The following UBAP2 variants were observed in gnomAD, a reference collection of about 807,000 sequenced individuals.
The protein encoded by UBAP2 is ubiquitin associated protein 2, also known as ubiquitin-associated protein 2.
Under a neutral mutation model 139.6 loss-of-function variants are expected in UBAP2, and 75 were observed. The ratio of observed to expected loss-of-function variants is 0.54; its 90% CI spans 0.45 to 0.65. UBAP2 has a LOEUF of 0.65. Ranked by LOEUF, UBAP2 falls within the 30% of genes least tolerant of loss-of-function variation. UBAP2 has a pLI of 0.00. For synonymous variants in UBAP2, 526 were observed against 526.2 expected (o/e 1.00, Z 0.01); for missense variants, 1,368 against 1,369.6 (o/e 1.00, Z 0.02).
intron 6 of UBAP2, among the ~76,000 whole-genome samples, chr9:33,979,556 C>T (rs1208457383): frequency 6.7e-6 from 1 of 148,830 alleles, no homozygotes; most frequent in Non-Finnish European, 1.5e-5. Context: ...GCCAGGGCAA[C>T]AAGAGAGAAA....
intron 1 of UBAP2, among the ~76,000 whole-genome samples, chr9:34,033,731 A>G (rs182729638): frequency 6.8e-4 from 103 of 151,512 alleles, no homozygotes; most frequent in African/African-American, 2.3e-3. Flanking sequence ...TCAAGCATCA[A>G]ATCAATTCTT....
At chr9:34,010,715 G>A (rs982783651) in intron 2 of UBAP2, among the ~76,000 whole-genome samples, 3 of 152,100 alleles carry the variant, frequency 2.0e-5, no homozygotes, top group Non-Finnish European at 4.4e-5. Flanking sequence ...AAGGAGTACA[G>A]GCGGCGGCTT....
intron 16 of UBAP2, among the ~76,000 whole-genome samples, chr9:33,936,926 CAAAAAAAAAAAAA>C (rs66465145): frequency 6.7e-5 from 4 of 59,788 alleles, no homozygotes; most frequent in African/African-American, 2.2e-4. Flanking sequence ...AACTCCAGCT[CAAAAAAAAAAAAA>C]AAAAAAAAAA....
rs538068429 is a variant in UBAP2, at chr9:33,923,841, T to G, written c.2750A>C (p.Tyr917Ser). 6.2e-7 allele frequency: 1 copy of G among 1,614,080 alleles called. No homozygotes were observed. The highest frequency in any genetic ancestry group is 1.7e-5 in the Admixed American group (1 of 60,026). The change falls in exon 24 of 29, where the codon TAC becomes TCC. Residue 917 changes from tyrosine (Y) to serine (S), a missense_variant. Transcript: ENST00000379238. The part of the protein sequence containing the change: ...PPGYSYTGLP[Y>S]YTGMPSAFQY... ...GAAGGCACTGGGCATGCCTGTGTAG[T>G]AGGGAAGACCAGTGTAGCTATAGCC...
Position 33,973,247 on chromosome 9 carries a change from AAC to A in UBAP2, c.521-12_521-11del. On this transcript the variant is annotated splice_polypyrimidine_tract_variant and intron_variant, in intron 6 of 28. Coordinates refer to ENST00000379238, the MANE Select transcript of UBAP2 (RefSeq NM_001370062.2). ...CTGCCACGTCCAAATCCTTTAAAAA[AAC>A]ACACAATTATAGTATAAAATAATAC... 1.9e-6 allele frequency: 3 copies of A among 1,613,702 alleles called. No homozygotes were observed. The highest frequency in any genetic ancestry group is 2.5e-6 in the Non-Finnish European group (3 of 1,179,690).
intron 1 of UBAP2, among the ~76,000 whole-genome samples, chr9:34,025,958 T>C (rs1031402405): frequency 2.6e-5 from 4 of 152,194 alleles, no homozygotes; most frequent in African/African-American, 7.2e-5. Context: ...TGATCTCAGT[T>C]TAGACTTAAC....
chr9:34,048,598 G>A (rs933161415), intron 1 of UBAP2, among the ~76,000 whole-genome samples: 1 of 152,146 alleles, frequency 6.6e-6, no homozygotes, highest in Non-Finnish European at 1.5e-5. Context: ...GGGAAAGTAG[G>A]AAGAAGCACA....
At chr9:34,024,843 G>A (rs1022790107) in intron 1 of UBAP2, among the ~76,000 whole-genome samples, 1 of 152,058 alleles carries the variant, frequency 6.6e-6, no homozygotes, top group Non-Finnish European at 1.5e-5. Flanking sequence ...AATTAGCTGG[G>A]TGTGGTGGCG....
At chr9:33,936,593 G>A (rs915262022) in intron 16 of UBAP2, among the ~76,000 whole-genome samples, 1 of 151,926 alleles carries the variant, frequency 6.6e-6, no homozygotes, top group Non-Finnish European at 1.5e-5. Flanking sequence ...CATGTGAGCT[G>A]ACATTGCGCC....
intron 8 of UBAP2, among the ~76,000 whole-genome samples, chr9:33,970,814 A>G (rs307676): frequency 0.4 from 60,567 of 150,826 alleles, 12,468 homozygotes; most frequent in South Asian, 0.48. Flanking sequence ...TTTTGTTGTC[A>G]TTGTTTGAGA....
intron 16 of UBAP2, among the ~76,000 whole-genome samples, chr9:33,937,497 G>A (rs1466227979): frequency 6.6e-6 from 1 of 150,628 alleles, no homozygotes; most frequent in East Asian, 2.0e-4. Flanking sequence ...GTTCTAGCTA[G>A]TCGGGAGGCT....
chr9:33,982,684 A>T (rs576088880), intron 6 of UBAP2, among the ~76,000 whole-genome samples: 17 of 152,322 alleles, frequency 1.1e-4, no homozygotes, highest in Admixed American at 2.0e-4. Context: ...GAATTTATCT[A>T]GCATACTTGC....
At position 33,946,714 on chromosome 9, in the gene UBAP2, T is replaced by TA. The variant is rs530229216; in HGVS notation, c.1270+1659dup. On this transcript the variant is annotated intron_variant, in intron 13 of 28. Coordinates refer to ENST00000379238, the MANE Select transcript of UBAP2 (RefSeq NM_001370062.2). ...AGCTGAGTGTCAACAGAATTTAATT[T>TA]AAAAAAAAACAAATGGCAGAGCTGG... Among the ~76,000 whole-genome samples the TA allele has an allele frequency of 1.2e-3, 185 of 151,432 alleles. 1 individual carries two copies. The highest frequency in any genetic ancestry group is 8.2e-3 in the South Asian group (39 of 4,784).
chr9:33,977,710 T>C (rs1325863031), intron 6 of UBAP2, among the ~76,000 whole-genome samples: 1 of 151,628 alleles, frequency 6.6e-6, no homozygotes, highest in African/African-American at 2.4e-5. Context: ...TCACCCAGGC[T>C]GGAGTGCAGT....
chr9:33,971,839 A>C, intron 7 of UBAP2, 85 bp from the exon 8 acceptor site: 2 of 789,430 alleles, frequency 2.5e-6, no homozygotes, highest in Non-Finnish European at 4.4e-6. Flanking sequence ...CTTCCACCAA[A>C]CAAGCCCAGT....
intron 2 of UBAP2, 35 bp downstream of exon 2, chr9:34,017,015 A>G (rs1205295992): frequency 1.8e-5 from 23 of 1,254,646 alleles, no homozygotes; most frequent in Non-Finnish European, 2.3e-5. Context: ...AAGAAAAAAA[A>G]GGAAAAAAAA....
At chr9:33,940,105 A>G (rs1294972299) in intron 16 of UBAP2, among the ~76,000 whole-genome samples, 1 of 151,934 alleles carries the variant, frequency 6.6e-6, no homozygotes, top group Non-Finnish European at 1.5e-5. Flanking sequence ...GAGGAGGAAG[A>G]AGGCCACGAC....
intron 18 of UBAP2, 56 bp from the exon 19 acceptor site, chr9:33,932,684 C>G: frequency 6.3e-7 from 1 of 1,598,308 alleles, no homozygotes; most frequent in Non-Finnish European, 8.5e-7. Context: ...TCCAGATGAA[C>G]AAGACGCACG....
intron 1 of UBAP2, among the ~76,000 whole-genome samples, chr9:34,041,089 G>C (rs930550950): frequency 1.1e-4 from 17 of 152,026 alleles, no homozygotes; most frequent in African/African-American, 3.6e-4. Context: ...CTGGAAATGA[G>C]ACAAATATCC....
Sources: gnomAD v4.1 joint callset for allele counts (sites outside exome capture counted in the v4.1 genomes callset) on GRCh38, gnomAD v4.1.1 for gene constraint, MANE v1.5 for transcripts, NCBI Gene and HGNC (gene_info 2026-07-23, HGNC 2026-07-21) for gene names.